Variants in PDE4D observed in about 807,000 individuals in gnomAD.
PDE4D encodes phosphodiesterase 4D, also known as 3',5'-cyclic-AMP phosphodiesterase 4D.
PDE4D carries 24 observed loss-of-function variants against 87.4 expected under a neutral mutation model. The observed-to-expected ratio is 0.27, with a 90% CI of 0.20 to 0.39. The LOEUF is 0.39. PDE4D is among the 10% of genes least tolerant of loss of function. The pLI is 1.00. For synonymous variants in PDE4D, 384 were observed against 383.2 expected (o/e 1.00, Z -0.02); for missense variants, 714 against 1,041.0 (o/e 0.69, Z 4.32).
chr5:60,227,244 G>A (rs955942030), intron 1 of PDE4D, among the ~76,000 whole-genome samples: 1 of 152,004 alleles, frequency 6.6e-6, no homozygotes. Flanking sequence ...CATAACATAG[G>A]TGGATATGCC....
intron 1 of PDE4D, among the ~76,000 whole-genome samples, chr5:60,377,160 A>C (rs1761497218): frequency 6.6e-6 from 1 of 152,168 alleles, no homozygotes. Context: ...AGCATTCCTC[A>C]CAATACAGTT....
At chr5:60,188,892 CAGTGCATTTTAATTATGAACA>C (rs1252120881) in intron 1 of PDE4D, among the ~76,000 whole-genome samples, 2 of 152,158 alleles carry the variant, frequency 1.3e-5, no homozygotes, top group Non-Finnish European at 2.9e-5. Context: ...TAGCATGAAC[CAGTGCATTTTAATTATGAACA>C]AGTGGTAACC....
chr5:60,496,277 G>C (rs868706887), intron 1 of PDE4D, among the ~76,000 whole-genome samples: 1 of 152,300 alleles, frequency 6.6e-6, no homozygotes, highest in Middle Eastern at 3.4e-3. Flanking sequence ...CAAACCGAGA[G>C]GGAAACTGTA....
At chr5:59,592,060 C>A (rs1825994687) in intron 1 of PDE4D, 1 of 775,054 alleles carries the variant, frequency 1.3e-6, no homozygotes, top group Non-Finnish European at 1.6e-6. Flanking sequence ...AGAATGAGAC[C>A]TGAGGTGGCT....
At chr5:59,746,002 C>T (rs62370531) in intron 1 of PDE4D, among the ~76,000 whole-genome samples, 334 of 152,260 alleles carry the variant, frequency 2.2e-3, no homozygotes, top group Non-Finnish European at 4.0e-3. Flanking sequence ...AAAAGTATTT[C>T]ATGCCAACAC....
intron 11 of PDE4D, among the ~76,000 whole-genome samples, chr5:58,984,697 G>A (rs9292182): frequency 5.3e-5 from 8 of 151,926 alleles, no homozygotes; most frequent in Non-Finnish European, 8.8e-5. Flanking sequence ...ACCAAAAACC[G>A]CATGCTTTGA....
chr5:60,335,716 G>GTGTT (rs1026252098), intron 1 of PDE4D, among the ~76,000 whole-genome samples: 2 of 152,108 alleles, frequency 1.3e-5, no homozygotes, highest in Non-Finnish European at 2.9e-5. Context: ...AATTATTCTA[G>GTGTT]TGTTTGTGTA....
intron 1 of PDE4D, among the ~76,000 whole-genome samples, chr5:59,706,911 T>C (rs915427557): frequency 6.6e-6 from 1 of 152,196 alleles, no homozygotes; most frequent in Admixed American, 6.5e-5. Flanking sequence ...TCAATTGCTT[T>C]TTATTATGGA....
chr5:59,611,205 G>C lies in PDE4D; in HGVS notation c.455+281963C>G, dbSNP rs1199664653. ...TCAGCAGATTGGATATCTGGTGATG[G>C]TTTACTTCCTTGTTGATGGACAACT... On this transcript the variant is annotated intron_variant, in intron 1 of 14. Coordinates refer to ENST00000340635, the MANE Select transcript of PDE4D (RefSeq NM_001104631.2). Among the ~76,000 whole-genome samples, 4 of 152,248 alleles carry C rather than the reference G, an allele frequency of 2.6e-5. No homozygotes were observed. The East Asian group carries it at 7.7e-4, about 29-fold the overall frequency.
intron 1 of PDE4D, among the ~76,000 whole-genome samples, chr5:60,383,712 T>C (rs1031881429): frequency 1.3e-5 from 2 of 152,186 alleles, no homozygotes; most frequent in Admixed American, 1.3e-4. Flanking sequence ...TGCCTCCCAG[T>C]TTTTAGTAAT....
intron 2 of PDE4D, among the ~76,000 whole-genome samples, chr5:60,057,083 GTTC>G (rs1415689263): frequency 2.0e-5 from 3 of 151,972 alleles, no homozygotes; most frequent in Admixed American, 6.6e-5. Context: ...AAAGTCTTGA[GTTC>G]TTCTATTGGC....
chr5:59,089,554 A>T (rs1202525178), intron 5 of PDE4D, among the ~76,000 whole-genome samples: 1 of 152,130 alleles, frequency 6.6e-6, no homozygotes, highest in Non-Finnish European at 1.5e-5. Context: ...ATAGCTGGGG[A>T]AACTGAGGCA....
chr5:60,318,058 C>T (rs79229003), intron 1 of PDE4D, among the ~76,000 whole-genome samples: 20,821 of 152,062 alleles, frequency 0.14, 1,567 homozygotes, highest in South Asian at 0.31. Context: ...CTTTCTGTCT[C>T]GTTGATCTGT....
intron 1 of PDE4D, among the ~76,000 whole-genome samples, chr5:59,876,342 A>G (rs1748605147): frequency 6.6e-6 from 1 of 152,154 alleles, no homozygotes; most frequent in Non-Finnish European, 1.5e-5. Flanking sequence ...GATGACAATA[A>G]TCTACTGAAC....
intron 2 of PDE4D, among the ~76,000 whole-genome samples, chr5:59,210,022 G>T (rs758487543): frequency 8.5e-5 from 13 of 152,242 alleles, no homozygotes; most frequent in Non-Finnish European, 1.8e-4. Context: ...ACAGGGTGAG[G>T]GGTGAGGATA....
chr5:60,439,703 T>C lies in PDE4D; in HGVS notation c.-90+48239A>G, dbSNP rs1489941846. Among the ~76,000 whole-genome samples, 3 of 152,060 alleles carry C rather than the reference T, an allele frequency of 2.0e-5. No individual in the cohort carries two copies. In the East Asian group the frequency reaches 5.8e-4, roughly 29 times the overall value. On this transcript the variant is annotated intron_variant, in intron 1 of 16. Coordinates refer to the PDE4D transcript ENST00000502484. ...AATCCTGTCCATTCTACTTTCAAAA[T>C]AAATCTCAATTCCACCCACCTCTCT...
intron 1 of PDE4D, among the ~76,000 whole-genome samples, chr5:59,263,180 G>T (rs950593113): frequency 9.2e-5 from 14 of 151,926 alleles, no homozygotes; most frequent in African/African-American, 3.1e-4. Flanking sequence ...TAATATGGAA[G>T]AACTCACTGT....
intron 1 of PDE4D, among the ~76,000 whole-genome samples, chr5:59,665,354 G>T (rs1261248889): frequency 2.0e-5 from 3 of 152,218 alleles, no homozygotes; most frequent in African/African-American, 7.2e-5. Context: ...CCAAACAACT[G>T]TGAGTTGATG....
intron 2 of PDE4D, among the ~76,000 whole-genome samples, chr5:60,052,834 A>G (rs1770337643): frequency 6.6e-6 from 1 of 152,246 alleles, no homozygotes; most frequent in Non-Finnish European, 1.5e-5. Context: ...AAGCAACTTC[A>G]GCAAAGTCTC....
Sources: allele counts gnomAD v4.1 joint callset (sites outside exome capture counted in the v4.1 genomes callset), GRCh38; gene constraint gnomAD v4.1.1; transcripts MANE v1.5; gene names NCBI Gene and HGNC (gene_info 2026-07-23, HGNC 2026-07-21).